BANK1: variants seen among roughly 807,000 people sequenced by gnomAD.
The protein encoded by BANK1 is B-cell scaffold protein with ankyrin repeats.
Under a neutral mutation model 94.5 loss-of-function variants are expected in BANK1, and 95 were observed. That is an observed-to-expected ratio of 1.00 (90% CI 0.85 to 1.19). The LOEUF (loss-of-function observed/expected upper bound fraction) is 1.19, where lower values mean the gene tolerates loss of function less well. Ranked by LOEUF, BANK1 falls within the 50% of genes most tolerant of loss-of-function variation. The pLI, the probability that BANK1 is intolerant of heterozygous loss-of-function variation, is 0.00. For missense variants in BANK1, 987 were observed against 932.2 expected, an observed-to-expected ratio of 1.06 and a Z score of -0.77; for synonymous variants, 334 against 308.4, an observed-to-expected ratio of 1.08 and a Z score of -0.87.
intron 9 of BANK1, among the ~76,000 whole-genome samples, chr4:102,026,068 C>T (rs547522071): frequency 1.3e-5 from 2 of 152,164 alleles, no homozygotes; most frequent in East Asian, 1.9e-4. Context: ...TTTAAAAACA[C>T]TCTATACACT....
chr4:101,900,888 A>G (rs7682346), intron 6 of BANK1, among the ~76,000 whole-genome samples: 69,111 of 151,968 alleles, frequency 0.45, 16,855 homozygotes, highest in South Asian at 0.56. Flanking sequence ...AGGGCAGAGC[A>G]GGGCAAACAT....
chr4:101,790,730 G>A lies in BANK1; in HGVS notation c.-151G>A. The A allele has an allele frequency of 1.2e-6, 1 of 837,488 alleles. No homozygotes were observed. Among genetic ancestry groups the A allele is most frequent in the Non-Finnish European group, 1.9e-6 (1 of 527,692 alleles). 51.9% of individuals were successfully genotyped at this position (837,488 alleles called of 1,614,324 possible). ...CATGAGCCCCGGGGCTGCGTTTCCTGAGACCTGGCCGCAGCCTCCGCGGGT... is the reference window on the plus strand; with the variant it reads ...CATGAGCCCCGGGGCTGCGTTTCCTAAGACCTGGCCGCAGCCTCCGCGGGT... On this transcript the variant is annotated 5_prime_UTR_variant, in exon 1 of 17. Transcript: ENST00000322953.
intron 6 of BANK1, among the ~76,000 whole-genome samples, chr4:101,916,606 A>G (rs984407914): frequency 1.3e-5 from 2 of 151,996 alleles, no homozygotes; most frequent in African/African-American, 2.4e-5. Flanking sequence ...GCAACTCTGC[A>G]CAAACAAATG....
intron 11 of BANK1, among the ~76,000 whole-genome samples, chr4:102,046,559 G>C (rs1727886226): frequency 6.6e-6 from 1 of 152,052 alleles, no homozygotes; most frequent in African/African-American, 2.4e-5. Context: ...CAAATGATTT[G>C]ATTCCTCCAA....
At chr4:101,890,015 G>A (rs938366986) in intron 5 of BANK1, among the ~76,000 whole-genome samples, 6 of 152,118 alleles carry the variant, frequency 3.9e-5, no homozygotes, top group African/African-American at 1.4e-4. Context: ...GATTCCATGC[G>A]GTCAGAAAAG....
intron 10 of BANK1, among the ~76,000 whole-genome samples, chr4:102,043,554 T>C (rs2148956170): frequency 6.6e-6 from 1 of 152,140 alleles, no homozygotes; most frequent in Admixed American, 6.6e-5. Context: ...GCTTTTATTC[T>C]TACCTGATAT....
chr4:101,998,923 T>C (rs73834543), intron 7 of BANK1, among the ~76,000 whole-genome samples: 112 of 152,288 alleles, frequency 7.4e-4, no homozygotes, highest in African/African-American at 2.6e-3. Context: ...AGTTTACTTT[T>C]GTATTTGGAT....
chr4:101,875,762 G>A (rs879324332), intron 5 of BANK1, among the ~76,000 whole-genome samples: 1 of 152,200 alleles, frequency 6.6e-6, no homozygotes, highest in South Asian at 2.1e-4. Context: ...TTGAGTTCCT[G>A]CAAGCCTTTC....
chr4:101,871,130 T>A (rs1223583470), intron 5 of BANK1, among the ~76,000 whole-genome samples: 6 of 152,104 alleles, frequency 3.9e-5, no homozygotes, highest in Non-Finnish European at 8.8e-5. Flanking sequence ...TCAGTGTATG[T>A]TTTTCTTAGT....
chr4:101,813,595 C>T (rs957113151), intron 1 of BANK1, among the ~76,000 whole-genome samples: 3 of 152,156 alleles, frequency 2.0e-5, no homozygotes, highest in Non-Finnish European at 2.9e-5. Context: ...GATGGGTGTG[C>T]GTCCTTGACC....
At chr4:102,040,541 A>G (rs1012574274) in intron 10 of BANK1, among the ~76,000 whole-genome samples, 2 of 152,130 alleles carry the variant, frequency 1.3e-5, no homozygotes, top group African/African-American at 4.8e-5. Context: ...CATATATCCT[A>G]ATTACTTTGA....
chr4:101,878,367 A>G (rs539197287), intron 5 of BANK1, among the ~76,000 whole-genome samples: 1 of 152,226 alleles, frequency 6.6e-6, no homozygotes. Context: ...AGAAAAGTTC[A>G]CTGTATAATG....
chr4:102,010,191 G>A (rs2148941451), intron 7 of BANK1, among the ~76,000 whole-genome samples: 1 of 151,598 alleles, frequency 6.6e-6, no homozygotes, highest in East Asian at 2.0e-4. Flanking sequence ...CGTGAACCCG[G>A]GAGGCAGAGC....
intron 1 of BANK1, among the ~76,000 whole-genome samples, chr4:101,815,580 T>C (rs180712766): frequency 1.1e-3 from 175 of 152,280 alleles, no homozygotes; most frequent in Middle Eastern, 3.4e-3. Context: ...ATCAGAGATG[T>C]ACTGAAATTA....
intron 1 of BANK1, among the ~76,000 whole-genome samples, chr4:101,821,004 T>C (rs1726123061): frequency 2.6e-5 from 4 of 152,252 alleles, no homozygotes; most frequent in South Asian, 2.1e-4. Flanking sequence ...TTACTGTCTT[T>C]AGGTCTTTGA....
chr4:102,048,299 G>T (rs1727947285), intron 11 of BANK1, among the ~76,000 whole-genome samples: 1 of 152,088 alleles, frequency 6.6e-6, no homozygotes. Context: ...ACTATAGTGT[G>T]CAGGGAAATC....
At chr4:101,856,531 C>G (rs1027308092) in intron 3 of BANK1, among the ~76,000 whole-genome samples, 1 of 152,146 alleles carries the variant, frequency 6.6e-6, no homozygotes, top group African/African-American at 2.4e-5. Flanking sequence ...AGAAAACCCT[C>G]TGAAACTAAA....
chr4:102,042,452 T>A (rs1375681071), intron 10 of BANK1, among the ~76,000 whole-genome samples: 3 of 152,060 alleles, frequency 2.0e-5, no homozygotes, highest in Non-Finnish European at 4.4e-5. Flanking sequence ...ATATTTTGCC[T>A]CTTCTGTTTA....
At chr4:101,970,061 C>G (rs2148922621) in intron 7 of BANK1, among the ~76,000 whole-genome samples, 1 of 152,204 alleles carries the variant, frequency 6.6e-6, no homozygotes, top group Non-Finnish European at 1.5e-5. Flanking sequence ...ATTTTACCAG[C>G]TGCTTGATCT....
Sources: gnomAD v4.1 joint callset for allele counts (sites outside exome capture counted in the v4.1 genomes callset) on GRCh38, gnomAD v4.1.1 for gene constraint, MANE v1.5 for transcripts, NCBI Gene and HGNC (gene_info 2026-07-23, HGNC 2026-07-21) for gene names.